The following PLCL1 variants were observed in gnomAD, a reference collection of about 807,000 sequenced individuals.
The protein encoded by PLCL1 is phospholipase C like 1 (inactive).
Under a neutral mutation model 84.4 loss-of-function variants are expected in PLCL1, and 41 were observed. The observed-to-expected ratio is 0.49, with a 90% CI of 0.38 to 0.63. The LOEUF is 0.63. Among genes scored for constraint, PLCL1 ranks in the 30% least tolerant of loss-of-function variants. The probability of loss-of-function intolerance (pLI) is 0.00; values close to 1 mark genes in which losing one functional copy is unlikely to be tolerated. For missense variants in PLCL1, 1,206 were observed against 1,367.8 expected, an observed-to-expected ratio of 0.88 and a Z score of 1.87; for synonymous variants, 490 against 488.3, an observed-to-expected ratio of 1.00 and a Z score of -0.05.
intron 5 of PLCL1, among the ~76,000 whole-genome samples, chr2:198,134,366 T>C (rs902850234): frequency 8.6e-5 from 13 of 152,036 alleles, no homozygotes; most frequent in Non-Finnish European, 4.4e-5. Context: ...GGAAGCTGAG[T>C]TGGCCACATC....
intron 1 of PLCL1, among the ~76,000 whole-genome samples, chr2:198,063,822 A>C (rs2105879496): frequency 6.6e-6 from 1 of 152,314 alleles, no homozygotes; most frequent in Middle Eastern, 3.4e-3. Context: ...TTGAAATAGA[A>C]AAGCCAATTT....
intron 1 of PLCL1, among the ~76,000 whole-genome samples, chr2:198,031,521 CCTT>C (rs1438660248): frequency 1.3e-5 from 2 of 151,908 alleles, no homozygotes; most frequent in Admixed American, 6.6e-5. Flanking sequence ...GACAGGGTCT[CCTT>C]CTGCCACCCA....
At chr2:198,131,755 A>G (rs1694123294) in intron 5 of PLCL1, among the ~76,000 whole-genome samples, 1 of 152,180 alleles carries the variant, frequency 6.6e-6, no homozygotes. Context: ...TTGGTTATCA[A>G]GCAATCAAAT....
chr2:198,045,245 T>G (rs147647663), intron 1 of PLCL1, among the ~76,000 whole-genome samples: 110 of 152,304 alleles, frequency 7.2e-4, no homozygotes, highest in African/African-American at 2.5e-3. Flanking sequence ...TCTTAACATT[T>G]GTATATAGTT....
chr2:197,911,065 AC>A (rs746643162), intron 1 of PLCL1, among the ~76,000 whole-genome samples: 25 of 152,200 alleles, frequency 1.6e-4, no homozygotes, highest in Non-Finnish European at 2.6e-4. Flanking sequence ...CCAAAAGCAC[AC>A]TGATTCAGTC....
intron 1 of PLCL1, among the ~76,000 whole-genome samples, chr2:197,930,391 G>A (rs1688908829): frequency 6.6e-6 from 1 of 152,198 alleles, no homozygotes; most frequent in South Asian, 2.1e-4. Context: ...AAATTCAGAT[G>A]TTTGGCAGTT....
intron 1 of PLCL1, among the ~76,000 whole-genome samples, chr2:198,036,598 C>T (rs1188744579): frequency 2.0e-5 from 3 of 152,108 alleles, no homozygotes; most frequent in African/African-American, 7.2e-5. Context: ...TCATCTTCTG[C>T]CTTGAAGACA....
intron 1 of PLCL1, among the ~76,000 whole-genome samples, chr2:197,932,180 G>A (rs891015447): frequency 6.6e-6 from 1 of 152,080 alleles, no homozygotes; most frequent in African/African-American, 2.4e-5. Flanking sequence ...GTTACCATCT[G>A]ATGAGATGTG....
intron 5 of PLCL1, among the ~76,000 whole-genome samples, chr2:198,142,027 A>G (rs960281352): frequency 6.6e-6 from 1 of 152,150 alleles, no homozygotes; most frequent in African/African-American, 2.4e-5. Context: ...TCTTTTGTGT[A>G]CTAATATCAC....
intron 1 of PLCL1, among the ~76,000 whole-genome samples, chr2:198,070,212 G>C (rs1692427305): frequency 6.6e-6 from 1 of 152,014 alleles, no homozygotes; most frequent in South Asian, 2.1e-4. Context: ...AATACTTTGG[G>C]ATATACTTAA....
rs538618715 is a variant in PLCL1, at chr2:197,889,591, T to C, written c.240+84252T>C. 8.9e-4 allele frequency among the ~76,000 whole-genome samples: 135 copies of C among 152,314 alleles called. 1 individual carries two copies. In the South Asian group the frequency reaches 0.026, roughly 29 times the overall value. The stretch of plus-strand genomic sequence containing the variant: ...ACCCAAGAAGCAAATATGTTCAAGT[T>C]TTTAGGCTACACCAACACACATTTT... On this transcript the variant is annotated intron_variant, in intron 1 of 5. Transcript: ENST00000428675.
chr2:197,989,336 TA>T (rs1256509829), intron 1 of PLCL1, among the ~76,000 whole-genome samples: 1 of 152,170 alleles, frequency 6.6e-6, no homozygotes, highest in Non-Finnish European at 1.5e-5. Flanking sequence ...AAGCCCATGT[TA>T]AGTTAATGTT....
At chr2:198,076,168 C>T (rs551896606) in intron 1 of PLCL1, among the ~76,000 whole-genome samples, 6 of 107,724 alleles carry the variant, frequency 5.6e-5, no homozygotes, top group South Asian at 3.2e-4. Flanking sequence ...CTGAAATGGA[C>T]TCTTTTTTTT....
chr2:198,021,562 A>T (rs1273830800), intron 1 of PLCL1, among the ~76,000 whole-genome samples: 1 of 152,184 alleles, frequency 6.6e-6, no homozygotes, highest in East Asian at 1.9e-4. Flanking sequence ...TAAAGGGGAG[A>T]TCACCACTGG....
intron 5 of PLCL1, among the ~76,000 whole-genome samples, chr2:198,116,006 T>C (rs979294661): frequency 6.8e-6 from 1 of 147,956 alleles, no homozygotes; most frequent in African/African-American, 2.4e-5. Flanking sequence ...AATAGATACA[T>C]ATAAATATAT....
chr2:197,869,981 T>A (rs1447181660), intron 1 of PLCL1, among the ~76,000 whole-genome samples: 1 of 152,156 alleles, frequency 6.6e-6, no homozygotes, highest in East Asian at 1.9e-4. Context: ...TTATCAGAAA[T>A]CTTAAATGGT....
rs146936248 is a variant in PLCL1 at position 197,845,563 on chromosome 2, G to A, written c.240+40224G>A. Among the ~76,000 whole-genome samples the A allele has an allele frequency of 3.7e-3, 566 of 152,200 alleles. 3 individuals carry two copies. The highest frequency in any genetic ancestry group is 3.9e-3 in the Non-Finnish European group (266 of 67,964). The stretch of plus-strand genomic sequence containing the variant: ...AGCCTTTTCTTGGGAATTTGAATTC[G>A]TATTCCAGGTAAAAGAATGCCAATG... On this transcript the variant is annotated intron_variant, in intron 1 of 5. Coordinates refer to ENST00000428675, the MANE Select transcript of PLCL1 (RefSeq NM_006226.4).
intron 1 of PLCL1, among the ~76,000 whole-genome samples, chr2:197,822,342 G>A (rs910316102): frequency 6.6e-6 from 1 of 152,176 alleles, no homozygotes; most frequent in African/African-American, 2.4e-5. Flanking sequence ...AAATTCTTAC[G>A]TTGAGCCCAA....
At chr2:198,121,137 C>A (rs553726522) in intron 5 of PLCL1, among the ~76,000 whole-genome samples, 2 of 152,114 alleles carry the variant, frequency 1.3e-5, no homozygotes, top group South Asian at 4.1e-4. Flanking sequence ...CTTTTCAGAT[C>A]TTTTGCCCAG....
Sources: allele counts gnomAD v4.1 joint callset (sites outside exome capture counted in the v4.1 genomes callset), GRCh38; gene constraint gnomAD v4.1.1; transcripts MANE v1.5; gene names NCBI Gene and HGNC (gene_info 2026-07-23, HGNC 2026-07-21).